The following SLC35E3 variants were observed in gnomAD, a reference collection of about 807,000 sequenced individuals.
The protein encoded by SLC35E3 is bladder cancer-overexpressed gene 1 protein.
SLC35E3 carries 28 observed loss-of-function variants against 30.8 expected under a neutral mutation model. The observed-to-expected ratio is 0.91, with a 90% CI of 0.67 to 1.25. The LOEUF (loss-of-function observed/expected upper bound fraction) is 1.25, where lower values mean the gene tolerates loss of function less well. Ranked by LOEUF, SLC35E3 falls within the 50% of genes most tolerant of loss-of-function variation. The pLI is 0.00. For missense variants in SLC35E3, 365 were observed against 375.4 expected (o/e 0.97, Z 0.23); for synonymous variants, 146 against 149.2 (o/e 0.98, Z 0.16).
rs899901587 is a variant in SLC35E3 at position 68,764,626 on chromosome 12, T to C, written c.756-78T>C. ...CATCTGATGGGCTGCTTTTGGGTTG[T>C]TTTATGCAGTGCGAGTGTGTGTGTA... On this transcript the variant is annotated intron_variant, in intron 4 of 4. Transcript: ENST00000398004. 2.8e-6 allele frequency: 4 copies of C among 1,409,684 alleles called. No homozygotes were observed. The Admixed American group carries it at 7.7e-5, about 27-fold the overall frequency. 87.3% of individuals were successfully genotyped at this position (1,409,684 alleles called of 1,614,324 possible). A position where few individuals can be genotyped will look rare whatever the true frequency, so the allele number is the denominator to read the frequency against.
intron 3 of SLC35E3, among the ~76,000 whole-genome samples, chr12:68,753,071 C>G (rs1427820963): frequency 1.4e-5 from 2 of 145,178 alleles, no homozygotes; most frequent in Non-Finnish European, 3.0e-5. Flanking sequence ...CACTTGAACC[C>G]GTGAGGTGGA....
intron 2 of SLC35E3, among the ~76,000 whole-genome samples, chr12:68,750,690 G>A (rs1352111947): frequency 6.6e-6 from 1 of 152,230 alleles, no homozygotes; most frequent in Non-Finnish European, 1.5e-5. Context: ...AAAAGGAAAG[G>A]CAGGTGAGCA....
intron 1 of SLC35E3, among the ~76,000 whole-genome samples, chr12:68,747,122 A>G (rs143342060): frequency 1.3e-5 from 2 of 152,338 alleles, no homozygotes; most frequent in East Asian, 3.9e-4. Flanking sequence ...GGGGAATCAA[A>G]TCGTGTATGA....
Position 68,773,513 on chromosome 12 carries a change from C to G in SLC35E3, c.*8623C>G, listed in dbSNP as rs1264038390. 6.6e-6 allele frequency: 1 copy of G among 152,122 alleles called. No homozygotes were observed. The highest frequency in any genetic ancestry group is 2.4e-5 in the African/African-American group (1 of 41,368). 9.4% of individuals were successfully genotyped at this position (152,122 alleles called of 1,614,324 possible). A position where few individuals can be genotyped will look rare whatever the true frequency, so the allele number is the denominator to read the frequency against. ...CCTCGAATTCCTAGGCTCAAGTGAT[C>G]CTCCCACCTCAGCCTCCTGAGTAGC... On this transcript the variant is annotated 3_prime_UTR_variant, in exon 5 of 5. Coordinates refer to ENST00000398004, the MANE Select transcript of SLC35E3 (RefSeq NM_018656.5).
chr12:68,750,447 A>G (rs1177060064), intron 2 of SLC35E3, among the ~76,000 whole-genome samples: 1 of 152,220 alleles, frequency 6.6e-6, no homozygotes, highest in Non-Finnish European at 1.5e-5. Flanking sequence ...GAGGAGTACA[A>G]ACCAGAGGGT....
Position 68,780,765 on chromosome 12 carries a change from A to G in SLC35E3, c.*15875A>G, listed in dbSNP as rs893536877. 8.5e-5 allele frequency: 13 copies of G among 152,298 alleles called. No homozygotes were observed. The highest frequency in any genetic ancestry group is 3.1e-4 in the African/African-American group (13 of 41,538). 9.4% of individuals were successfully genotyped at this position (152,298 alleles called of 1,614,324 possible). The stretch of plus-strand genomic sequence containing the variant: ...GCCTCCCAGTGTTGGGATTATAGGC[A>G]TGAGCCACCGCGCCCAGCTAGTCAC... On this transcript the variant is annotated 3_prime_UTR_variant, in exon 5 of 5. Transcript: ENST00000398004.
intron 3 of SLC35E3, among the ~76,000 whole-genome samples, chr12:68,757,417 AT>A (rs1427152659): frequency 1.3e-5 from 2 of 152,250 alleles, no homozygotes; most frequent in African/African-American, 4.8e-5. Context: ...TTTTATCTAA[AT>A]TCAGAAACAA....
At chr12:68,764,312 A>G (rs10878866) in intron 4 of SLC35E3, among the ~76,000 whole-genome samples, 27,884 of 152,086 alleles carry the variant, frequency 0.18, 3,057 homozygotes, top group East Asian at 0.34. Context: ...CTTTTTTTAG[A>G]CAGTCTTGTT....
intron 4 of SLC35E3, among the ~76,000 whole-genome samples, 172 bp downstream of exon 4, chr12:68,759,411 A>G (rs886686324): frequency 3.9e-5 from 6 of 152,202 alleles, no homozygotes; most frequent in Non-Finnish European, 8.8e-5. Flanking sequence ...TTAAAGAAAT[A>G]TGAACTGAAG....
At chr12:68,750,598 T>C (rs991039843) in intron 2 of SLC35E3, among the ~76,000 whole-genome samples, 3 of 152,174 alleles carry the variant, frequency 2.0e-5, no homozygotes, top group African/African-American at 7.2e-5. Context: ...CTGTGCTGCA[T>C]TGAGGGACAG....
chr12:68,763,634 G>A (rs1264794792), intron 4 of SLC35E3, among the ~76,000 whole-genome samples: 4 of 152,024 alleles, frequency 2.6e-5, no homozygotes, highest in Non-Finnish European at 5.9e-5. Flanking sequence ...GGTGATCCAC[G>A]CCCCTTGGCC....
intron 2 of SLC35E3, 56 bp from the exon 3 acceptor site, chr12:68,751,976 T>G: frequency 1.3e-6 from 2 of 1,495,798 alleles, no homozygotes; most frequent in Non-Finnish European, 1.8e-6. Flanking sequence ...GTCGCATCTT[T>G]GATTATGTGA....
In SLC35E3 at chr12:68,752,061, A is replaced by G. The variant is rs997693557; in HGVS notation, c.543A>G (p.Gln181=). Residue 181 remains glutamine, a synonymous_variant, in exon 3 of 5, where the codon CAA becomes CAG. Coordinates refer to ENST00000398004, the MANE Select transcript of SLC35E3 (RefSeq NM_018656.5). ...TAGGAGCCAAACAGCATGAATTACA[A>G]GTGAACTCAATGCAGCTGCTGTACT... is the stretch of plus-strand genomic sequence containing the variant. ...VWVGAKQHEL[Q]VNSMQLLYYQ... 1 of 1,608,796 alleles carries G rather than the reference A, an allele frequency of 6.2e-7. No individual in the cohort carries two copies. The highest frequency in any genetic ancestry group is 8.5e-7 in the Non-Finnish European group (1 of 1,178,674).
At chr12:68,753,253 G>T (rs1277568010) in intron 3 of SLC35E3, among the ~76,000 whole-genome samples, 2 of 152,086 alleles carry the variant, frequency 1.3e-5, no homozygotes, top group Non-Finnish European at 2.9e-5. Context: ...CTGCACTCCA[G>T]CCTGGGCCAC....
chr12:68,777,793 T>G lies in SLC35E3; in HGVS notation c.*12903T>G, dbSNP rs1879783095. 1 of 152,172 alleles carries G rather than the reference T, an allele frequency of 6.6e-6. No individual in the cohort carries two copies. Among genetic ancestry groups the G allele is most frequent in the Non-Finnish European group, 1.5e-5 (1 of 68,036 alleles). 9.4% of individuals were successfully genotyped at this position (152,172 alleles called of 1,614,324 possible). A position where few individuals can be genotyped will look rare whatever the true frequency, so the allele number is the denominator to read the frequency against. On this transcript the variant is annotated 3_prime_UTR_variant, in exon 5 of 5. Transcript: ENST00000398004. The stretch of plus-strand genomic sequence containing the variant: ...TCCTCTAGCCCAGTACCACTCAAGG[T>G]AGGGTCTGGGCCCCAGTACCAGTCC...
At chr12:68,763,561 G>T (rs1879293757) in intron 4 of SLC35E3, among the ~76,000 whole-genome samples, 1 of 152,084 alleles carries the variant, frequency 6.6e-6, no homozygotes, top group African/African-American at 2.4e-5. Flanking sequence ...GGCTAATTTT[G>T]TACTATTAGT....
In SLC35E3 at chr12:68,747,987, C is replaced by G. The variant is rs747985268; in HGVS notation, c.460C>G (p.Leu154Val). The change falls in exon 2 of 5, where the codon CTT becomes GTT. Residue 154 changes from leucine (L) to valine (V), a missense_variant. Transcript: ENST00000398004. ...NSYYDVKFNFLGMVFAALGVL... is the reference protein window; with the variant it reads ...NSYYDVKFNFVGMVFAALGVL... Reference sequence around the variant, plus strand: ...TTATTACGATGTGAAGTTTAATTTCCTTGGAATGGTGTTTGCTGCTCTTGG... The same window carrying G: ...TTATTACGATGTGAAGTTTAATTTCGTTGGAATGGTGTTTGCTGCTCTTGG... 2.2e-5 allele frequency: 35 copies of G among 1,611,460 alleles called. No individual in the cohort carries two copies. The Middle Eastern group carries it at 6.6e-4, about 30-fold the overall frequency.
intron 2 of SLC35E3, among the ~76,000 whole-genome samples, chr12:68,750,076 A>G (rs1183132773): frequency 2.6e-5 from 4 of 151,982 alleles, no homozygotes; most frequent in Non-Finnish European, 5.9e-5. Flanking sequence ...GGCGGTGGGA[A>G]TGGACAGGGA....
chr12:68,769,853 T>G lies in SLC35E3; in HGVS notation c.*4963T>G. 1 of 152,194 alleles carries G rather than the reference T, an allele frequency of 6.6e-6. No homozygotes were observed. The highest frequency in any genetic ancestry group is 1.9e-4 in the East Asian group (1 of 5,206). The allele number at this position is 152,194 out of a possible 1,614,324, so 9.4% of individuals were successfully genotyped here. ...CTAGGCATTATGGATATAAAACAGT[T>G]TTTATGTAGAGACAGTCCTATATTT... is the stretch of plus-strand genomic sequence containing the variant. On this transcript the variant is annotated 3_prime_UTR_variant, in exon 5 of 5. Coordinates refer to ENST00000398004, the MANE Select transcript of SLC35E3 (RefSeq NM_018656.5).
Sources: allele counts gnomAD v4.1 joint callset (sites outside exome capture counted in the v4.1 genomes callset), GRCh38; gene constraint gnomAD v4.1.1; transcripts MANE v1.5; gene names NCBI Gene and HGNC (gene_info 2026-07-23, HGNC 2026-07-21).